DHRS9: variants seen among roughly 807,000 people sequenced by gnomAD.
The protein encoded by DHRS9 is dehydrogenase/reductase 9.
A neutral mutation model predicts 26.6 loss-of-function variants in DHRS9; 18 were observed. The ratio of observed to expected loss-of-function variants is 0.68; its 90% CI spans 0.47 to 1.00. The LOEUF is 1.00. Among genes scored for constraint, DHRS9 ranks in the 50% least tolerant of loss-of-function variants. DHRS9 has a pLI of 0.00. For synonymous variants in DHRS9, 134 were observed against 141.1 expected (o/e 0.95, Z 0.36); for missense variants, 425 against 378.7 (o/e 1.12, Z -1.01).
In DHRS9 at chr2:169,069,631, T is replaced by C; in HGVS notation, c.-146T>C. On this transcript the variant is annotated 5_prime_UTR_variant, in exon 1 of 5. Transcript: ENST00000674881. ...ATCAGCCTGGCCAGGGTGGCACAAC[T>C]CTTCCTTCCCCGTGCACAGCAGGAA... 1 of 985,454 alleles carries C rather than the reference T, an allele frequency of 1.0e-6. No homozygotes were observed. Among genetic ancestry groups the C allele is most frequent in the Non-Finnish European group, 1.2e-6 (1 of 829,962 alleles). The allele number at this position is 985,454 out of a possible 1,614,324, so 61.0% of individuals were successfully genotyped here.
upstream of DHRS9, chr2:169,069,444 G>A (rs1247618066): frequency 8.1e-6 from 8 of 985,132 alleles, no homozygotes; most frequent in Non-Finnish European, 9.6e-6. Context: ...TGAAACATGC[G>A]ACCTACAGCT....
intron 3 of DHRS9, among the ~76,000 whole-genome samples, chr2:169,089,887 C>T (rs1684466323): frequency 6.6e-6 from 1 of 152,152 alleles, no homozygotes; most frequent in African/African-American, 2.4e-5. Context: ...AGGGATCACA[C>T]TTTGAGTAGC....
Position 169,095,944 on chromosome 2 carries a change from T to C in DHRS9, c.*177T>C. The C allele has an allele frequency of 1.6e-6, 1 of 635,888 alleles. No individual in the cohort carries two copies. The highest frequency in any genetic ancestry group is 2.7e-6 in the Non-Finnish European group (1 of 364,614). The allele number at this position is 635,888 out of a possible 1,614,324, so 39.4% of individuals were successfully genotyped here. A position where few individuals can be genotyped will look rare whatever the true frequency, so the allele number is the denominator to read the frequency against. On this transcript the variant is annotated 3_prime_UTR_variant, in exon 5 of 5. Transcript: ENST00000674881. ...TGGTATCCCAGGGTCCCTGCTCAAG[T>C]TTTCTTTGAAAAGGAGGGCTGGAAT...
chr2:169,081,445 A>G, intron 1 of DHRS9, 78 bp from the exon 2 acceptor site: 2 of 1,428,374 alleles, frequency 1.4e-6, no homozygotes, highest in South Asian at 1.5e-5. Context: ...GCATTAAAAT[A>G]TCTCAAATTC....
intron 1 of DHRS9, among the ~76,000 whole-genome samples, chr2:169,077,617 A>G (rs1469462293): frequency 1.3e-5 from 2 of 151,994 alleles, no homozygotes; most frequent in Non-Finnish European, 2.9e-5. Context: ...GAAAAAAAAA[A>G]AGATGGGATC....
intron 3 of DHRS9, among the ~76,000 whole-genome samples, chr2:169,089,973 A>C (rs1467165967): frequency 1.3e-5 from 2 of 152,222 alleles, no homozygotes; most frequent in African/African-American, 2.4e-5. Flanking sequence ...TATCATAATA[A>C]AATTGTAGTA....
At chr2:169,078,150 C>T (rs1684021122) in intron 1 of DHRS9, among the ~76,000 whole-genome samples, 1 of 152,216 alleles carries the variant, frequency 6.6e-6, no homozygotes, top group African/African-American at 2.4e-5. Context: ...CACTTTGTTG[C>T]TTTGAGCCAG....
intron 4 of DHRS9, among the ~76,000 whole-genome samples, chr2:169,094,690 C>A (rs1479142407): frequency 7.3e-6 from 1 of 137,512 alleles, no homozygotes; most frequent in Admixed American, 7.1e-5. Context: ...CCTCTTTTGG[C>A]AGTTTTATAA....
chr2:169,070,336 C>T (rs373375757), intron 1 of DHRS9: 37 of 985,148 alleles, frequency 3.8e-5, no homozygotes, highest in African/African-American at 3.0e-4. Context: ...TTTTATGATC[C>T]GGTGGTTTGG....
At chr2:169,082,484 T>G (rs2105291849) in intron 2 of DHRS9, among the ~76,000 whole-genome samples, 1 of 152,310 alleles carries the variant, frequency 6.6e-6, no homozygotes, top group East Asian at 1.9e-4. Flanking sequence ...TGTGAAACAT[T>G]CTCATGGATT....
chr2:169,088,019 C>A (rs534805921), intron 3 of DHRS9, among the ~76,000 whole-genome samples: 10 of 152,230 alleles, frequency 6.6e-5, no homozygotes, highest in African/African-American at 2.2e-4. Flanking sequence ...AGGTTGCTTG[C>A]CCCCCAAGTC....
At chr2:169,070,330 A>G in intron 1 of DHRS9, 1 of 985,400 alleles carries the variant, frequency 1.0e-6, no homozygotes, top group Non-Finnish European at 1.2e-6. Flanking sequence ...TCCCCATTTT[A>G]TGATCCGGTG....
intron 1 of DHRS9, among the ~76,000 whole-genome samples, chr2:169,078,933 TG>T (rs1684055555): frequency 8.5e-5 from 2 of 23,564 alleles, no homozygotes; most frequent in African/African-American, 1.1e-3. Context: ...ACGATTCTCC[TG>T]CCTGATTCTC....
At position 169,083,314 on chromosome 2, in the gene DHRS9, T is replaced by A; in HGVS notation, c.314-15T>A. 1.9e-6 allele frequency: 3 copies of A among 1,611,112 alleles called. No individual in the cohort carries two copies. The highest frequency in any genetic ancestry group is 2.5e-6 in the Non-Finnish European group (3 of 1,177,602). On this transcript the variant is annotated splice_polypyrimidine_tract_variant and intron_variant, in intron 2 of 4. Coordinates refer to ENST00000674881, the MANE Select transcript of DHRS9 (RefSeq NM_001376924.1). ...ACTGTCTTACCACACCTCTTTTCCT[T>A]CCTCTCTGTTCTAGGTCTCTGGGGT...
At chr2:169,070,151 G>A (rs573563881) in intron 1 of DHRS9, 198 of 985,338 alleles carry the variant, frequency 2.0e-4, no homozygotes, top group South Asian at 5.6e-4. Context: ...TTGTCTGTCC[G>A]CTTTATCAAT....
Position 169,095,840 on chromosome 2 carries a change from C to T in DHRS9, c.*73C>T, listed in dbSNP as rs1684683262. 2 of 1,372,010 alleles carry T rather than the reference C, an allele frequency of 1.5e-6. No individual in the cohort carries two copies. Among genetic ancestry groups the T allele is most frequent in the East Asian group, 2.4e-5 (1 of 42,210 alleles). 85.0% of individuals were successfully genotyped at this position (1,372,010 alleles called of 1,614,324 possible). On this transcript the variant is annotated 3_prime_UTR_variant, in exon 5 of 5. Transcript: ENST00000674881. ...TCAAGAACACATCTCCTTTTCAACC[C>T]CATTCCTTATCTGCTCCAACCTGGA...
At chr2:169,070,739 C>T in intron 1 of DHRS9, 1 of 985,358 alleles carries the variant, frequency 1.0e-6, no homozygotes, top group Non-Finnish European at 1.2e-6. Context: ...ACTCTTATAA[C>T]AAATGTCACT....
rs576975440 is a variant in DHRS9, at chr2:169,081,892, A to G, written c.311A>G (p.Lys104Arg). Reference protein sequence around the residue: ...AQWVKNQVGEKGLWGLINNAG... With the variant: ...AQWVKNQVGERGLWGLINNAG... Reference sequence around the variant, plus strand: ...TGGGTGAAGAACCAAGTTGGGGAGAAAGGTGAGAGACATGGAAGTGGGTAG... The same window carrying G: ...TGGGTGAAGAACCAAGTTGGGGAGAGAGGTGAGAGACATGGAAGTGGGTAG... The change falls in exon 2 of 5, where the codon AAA becomes AGA. Residue 104 changes from lysine (K) to arginine (R), a missense_variant and splice_region_variant. By Grantham distance (26) the Lys-to-Arg change is conservative. Coordinates refer to ENST00000674881, the MANE Select transcript of DHRS9 (RefSeq NM_001376924.1). 4 of 1,600,382 alleles carry G rather than the reference A, an allele frequency of 2.5e-6. No individual in the cohort carries two copies. In the Admixed American group the frequency reaches 6.8e-5, roughly 27 times the overall value.
chr2:169,073,243 C>G (rs1223897979), intron 1 of DHRS9, among the ~76,000 whole-genome samples: 2 of 152,178 alleles, frequency 1.3e-5, no homozygotes, highest in African/African-American at 4.8e-5. Context: ...AGTGGTAGAA[C>G]AGAATGGTCT....
Sources: allele counts gnomAD v4.1 joint callset (sites outside exome capture counted in the v4.1 genomes callset), GRCh38; gene constraint gnomAD v4.1.1; transcripts MANE v1.5; gene names NCBI Gene and HGNC (gene_info 2026-07-23, HGNC 2026-07-21).